Variants in PGAP4 observed in about 807,000 individuals in gnomAD.
PGAP4 encodes the protein post-GPI attachment to proteins GalNAc transferase 4.
PGAP4 carries 12 observed loss-of-function variants against 28.2 expected under a neutral mutation model. That is an observed-to-expected ratio of 0.42 (90% CI 0.27 to 0.69). PGAP4 has a LOEUF of 0.69. Ranked by LOEUF, PGAP4 falls within the 30% of genes least tolerant of loss-of-function variation. The pLI, the probability that PGAP4 is intolerant of heterozygous loss-of-function variation, is 0.22. For synonymous variants in PGAP4, 205 were observed against 211.8 expected (o/e 0.97, Z 0.28); for missense variants, 425 against 513.5 (o/e 0.83, Z 1.67).
upstream of PGAP4, among the ~76,000 whole-genome samples, chr9:101,489,748 CA>C (rs1826669636): frequency 6.6e-6 from 1 of 152,190 alleles, no homozygotes; most frequent in African/African-American, 2.4e-5. Flanking sequence ...TCCCAGGACA[CA>C]GAGCTGACTG....
intron 2 of PGAP4, among the ~76,000 whole-genome samples, chr9:101,493,525 G>A (rs926343177): frequency 6.6e-6 from 1 of 152,010 alleles, no homozygotes; most frequent in Non-Finnish European, 1.5e-5. Flanking sequence ...GATACTAAAT[G>A]ATTTCTTAGG....
At chr9:101,492,220 G>A (rs1405906155) in intron 2 of PGAP4, among the ~76,000 whole-genome samples, 1 of 151,410 alleles carries the variant, frequency 6.6e-6, no homozygotes, top group Admixed American at 6.6e-5. Flanking sequence ...TTGAGACGGA[G>A]TCTCGCTCTG....
At chr9:101,513,150 C>T (rs932054787) in intron 2 of PGAP4, among the ~76,000 whole-genome samples, 18 of 152,060 alleles carry the variant, frequency 1.2e-4, no homozygotes, top group African/African-American at 4.3e-4. Flanking sequence ...ATCAAAGACA[C>T]ATACAGACTG....
Position 101,474,966 on chromosome 9 carries a change from G to A in PGAP4, c.*915C>T, listed in dbSNP as rs560065408. The A allele has an allele frequency of 3.9e-4, 58 of 148,366 alleles. No individual in the cohort carries two copies. The highest frequency in any genetic ancestry group is 7.1e-4 in the Non-Finnish European group (48 of 67,716). The allele number at this position is 148,366 out of a possible 1,614,324, so 9.2% of individuals were successfully genotyped here. A position where few individuals can be genotyped will look rare whatever the true frequency, so the allele number is the denominator to read the frequency against. On this transcript the variant is annotated 3_prime_UTR_variant, in exon 2 of 2. Transcript: ENST00000374848. ...GCAGAGATCTGAAATAAAAGGTCAGGTCTTCTGACTTCAGTCCATGATTTT... is the reference window on the plus strand; with the variant it reads ...GCAGAGATCTGAAATAAAAGGTCAGATCTTCTGACTTCAGTCCATGATTTT...
At position 101,505,993 on chromosome 9, in the gene PGAP4, C is replaced by A. The variant is rs568130887; in HGVS notation, c.-164-16793G>T. On this transcript the variant is annotated intron_variant, in intron 2 of 3. Transcript: ENST00000374851. ...TCCATAGCATCAACAATTTAAATGA[C>A]CTTTGGACCTACCACAGTGCTTTCT... 1.9e-4 allele frequency among the ~76,000 whole-genome samples: 29 copies of A among 152,188 alleles called. No individual in the cohort carries two copies. In the East Asian group the frequency reaches 4.8e-3, roughly 25 times the overall value.
At position 101,476,775 on chromosome 9, in the gene PGAP4, G is replaced by A. The variant is rs1826331561; in HGVS notation, c.318C>T (p.Ile106=). Residue 106 remains isoleucine (I), a synonymous_variant, in exon 2 of 2, where the codon ATC becomes ATT. Transcript: ENST00000374848. This position sits in a 1 kb window ranked among gnomAD's most constrained non-coding sequence, Gnocchi z 7.0. ...AGCCAGGCTGCCTGTCCACAGTGAT[G>A]ATGGTGATCACCAGCCAGGGCCGGG... ...ATPRPWLVIT[I]ITVDRQPGFH... is the part of the protein sequence containing the mutation. 6.2e-7 allele frequency: 1 copy of A among 1,613,080 alleles called. No individual in the cohort carries two copies. Among genetic ancestry groups the A allele is most frequent in the African/African-American group, 1.3e-5 (1 of 74,928 alleles).
chr9:101,502,751 G>C (rs1279051691), intron 2 of PGAP4, among the ~76,000 whole-genome samples: 3 of 152,012 alleles, frequency 2.0e-5, no homozygotes, highest in Non-Finnish European at 4.4e-5. Flanking sequence ...ACAGCATTTT[G>C]CAGGTCAGAG....
At chr9:101,510,134 C>T (rs1826883165) in intron 2 of PGAP4, among the ~76,000 whole-genome samples, 1 of 152,186 alleles carries the variant, frequency 6.6e-6, no homozygotes, top group African/African-American at 2.4e-5. Context: ...GCCTCAGTAT[C>T]CTCTGCTATT....
At chr9:101,489,966 T>C (rs1826671829), upstream of PGAP4, among the ~76,000 whole-genome samples, 1 of 152,162 alleles carries the variant, frequency 6.6e-6, no homozygotes, top group Non-Finnish European at 1.5e-5. Flanking sequence ...CCCTTCCTAA[T>C]GGGAAGAGTG....
intron 2 of PGAP4, among the ~76,000 whole-genome samples, chr9:101,514,979 C>CAT (rs1826931292): frequency 6.6e-6 from 1 of 152,138 alleles, no homozygotes; most frequent in Non-Finnish European, 1.5e-5. Context: ...TTTGGATGTA[C>CAT]ATATATGTGA....
At chr9:101,513,146 G>A (rs1053964370) in intron 2 of PGAP4, among the ~76,000 whole-genome samples, 2 of 151,974 alleles carry the variant, frequency 1.3e-5, no homozygotes, top group African/African-American at 4.8e-5. Flanking sequence ...TTTTATCAAA[G>A]ACACATACAG....
rs1401473182 is a variant in PGAP4 at position 101,512,514 on chromosome 9, A to C, written c.-165+18834T>G. Among the ~76,000 whole-genome samples the C allele has an allele frequency of 2.6e-5, 4 of 152,274 alleles. No individual in the cohort carries two copies. In the South Asian group the frequency reaches 8.3e-4, roughly 32 times the overall value. On this transcript the variant is annotated intron_variant, in intron 2 of 3. Transcript: ENST00000374851. ...CAGTGGAGCTTCCCTCTATTTTTAC[A>C]TGGGAGGCTGACTGATTCATGAATC...
At chr9:101,477,223 C>A (rs1826352095) in intron 1 of PGAP4, 54 bp from the exon 2 acceptor site, 2 of 1,332,882 alleles carry the variant, frequency 1.5e-6, no homozygotes, top group East Asian at 2.6e-5. Context: ...AACAAACAAA[C>A]AAACAAACAA....
At chr9:101,483,185 T>A (rs1826533973) in intron 1 of PGAP4, among the ~76,000 whole-genome samples, 2 of 152,202 alleles carry the variant, frequency 1.3e-5, no homozygotes, top group Admixed American at 1.3e-4. Context: ...GAACTATGCA[T>A]AGAAGATGCT....
chr9:101,502,213 T>A (rs1192488829), intron 2 of PGAP4, among the ~76,000 whole-genome samples: 1 of 152,072 alleles, frequency 6.6e-6, no homozygotes, highest in East Asian at 1.9e-4. Flanking sequence ...TTGACACTCT[T>A]AATCTGGAAT....
rs1826247765 is a variant in PGAP4, at chr9:101,474,787, T to C, written c.*1094A>G. The C allele has an allele frequency of 6.6e-6, 1 of 152,228 alleles. No individual in the cohort carries two copies. The highest frequency in any genetic ancestry group is 1.5e-5 in the Non-Finnish European group (1 of 68,048). 9.4% of individuals were successfully genotyped at this position (152,228 alleles called of 1,614,324 possible). On this transcript the variant is annotated 3_prime_UTR_variant, in exon 2 of 2. Transcript: ENST00000374848. ...AGTTTGCCAAGCGTCTTCTATGGAC[T>C]AAGCACTTGCTAGGTGTTTTACATA...
At position 101,486,795 on chromosome 9, in the gene PGAP4, G is replaced by A. The variant is rs1470849360; in HGVS notation, c.-78+154C>T. ...CGCCTGCCCGAGGCGCACTGCCCGG[G>A]GCACAGGCCCTCTGCGATGACTCTC... On this transcript the variant is annotated intron_variant, in intron 1 of 1. Coordinates refer to ENST00000374848, the MANE Select transcript of PGAP4 (RefSeq NM_032342.3). The surrounding 1 kb of genome is among the most constrained non-coding windows in gnomAD (Gnocchi z 4.7). Among the ~76,000 whole-genome samples the A allele has an allele frequency of 2.0e-5, 3 of 152,220 alleles. No homozygotes were observed. The highest frequency in any genetic ancestry group is 4.4e-5 in the Non-Finnish European group (3 of 68,034).
intron 1 of PGAP4, chr9:101,481,377 A>G (rs762323064): frequency 1.8e-4 from 28 of 152,472 alleles, no homozygotes; most frequent in Admixed American, 1.3e-3. Context: ...CCAGTTGCCC[A>G]TGATGTCACA....
At position 101,523,619 on chromosome 9, in the gene PGAP4, C is replaced by CATTTTTTTTTTTTTTTTTT. The variant is rs1245170432; in HGVS notation, c.-165+7728_-165+7729insAAAAAAAAAAAAAAAAAAT. Among the ~76,000 whole-genome samples the CATTTTTTTTTTTTTTTTTT allele has an allele frequency of 2.9e-3, 171 of 59,346 alleles. 18 individuals are homozygous for CATTTTTTTTTTTTTTTTTT. The highest frequency in any genetic ancestry group is 3.7e-3 in the Admixed American group (16 of 4,364). The allele number at this position is 59,346 out of a possible 152,430, so 38.9% of individuals were successfully genotyped here. A position where few individuals can be genotyped will look rare whatever the true frequency, so the allele number is the denominator to read the frequency against. On this transcript the variant is annotated intron_variant, in intron 2 of 3. Transcript: ENST00000374851. ...ACATTTCTCCCCTCACTTCTTGTATCTTTTTTTTTTTTTTTTTTTTTTTTT... is the reference window on the plus strand; with the variant it reads ...ACATTTCTCCCCTCACTTCTTGTATCATTTTTTTTTTTTTTTTTTTTTTTTTTTTTTTTTTTTTTTTTTT...
Sources: allele counts gnomAD v4.1 joint callset (sites outside exome capture counted in the v4.1 genomes callset), GRCh38; gene constraint gnomAD v4.1.1; non-coding constraint Gnocchi (gnomAD v3.1); transcripts MANE v1.5; gene names NCBI Gene and HGNC (gene_info 2026-07-23, HGNC 2026-07-21).